Variants in MAN1C1 observed in about 807,000 individuals in gnomAD.
The protein encoded by MAN1C1 is mannosidase alpha class 1C member 1.
MAN1C1 carries 49 observed loss-of-function variants against 71.5 expected under a neutral mutation model. The observed-to-expected ratio is 0.69, with a 90% CI of 0.54 to 0.87. The LOEUF (loss-of-function observed/expected upper bound fraction) is 0.87, where lower values mean the gene tolerates loss of function less well. Ranked by LOEUF, MAN1C1 falls within the 40% of genes least tolerant of loss-of-function variation. MAN1C1 has a pLI of 0.00. For synonymous variants in MAN1C1, 352 were observed against 343.7 expected, an observed-to-expected ratio of 1.02 and a Z score of -0.27; for missense variants, 743 against 835.0, an observed-to-expected ratio of 0.89 and a Z score of 1.36.
chr1:25,781,861 C>T (rs965906618), intron 10 of MAN1C1, among the ~76,000 whole-genome samples: 5 of 152,316 alleles, frequency 3.3e-5, no homozygotes, highest in Admixed American at 2.0e-4. Flanking sequence ...AGACCCCCTC[C>T]GTGGGTAGAA....
At position 25,758,634 on chromosome 1, in the gene MAN1C1, G is replaced by A; in HGVS notation, c.972G>A (p.Leu324=). The A allele has an allele frequency of 6.2e-7, 1 of 1,614,202 alleles. No individual in the cohort carries two copies. Among genetic ancestry groups the A allele is most frequent in the Non-Finnish European group, 8.5e-7 (1 of 1,180,038 alleles). ...GWATAGSSSI[L]AEFGSLHLEF... is the part of the protein sequence containing the mutation. ...CCACAGCCGGCAGCAGCAGCATCTT[G>A]GCGGAGTTTGGATCCCTGCACTTGG... is the stretch of plus-strand genomic sequence containing the variant. The change falls in exon 6 of 12, where the codon TTG becomes TTA. Residue 324 remains leucine (L), a synonymous_variant. Transcript: ENST00000374332.
chr1:25,756,324 G>A (rs2047285659), intron 5 of MAN1C1, among the ~76,000 whole-genome samples: 2 of 152,232 alleles, frequency 1.3e-5, no homozygotes, highest in Admixed American at 1.3e-4. Flanking sequence ...AGCTGGGCAG[G>A]AGAGGAAAGG....
At chr1:25,722,870 C>A (rs1162236599) in intron 2 of MAN1C1, among the ~76,000 whole-genome samples, 1 of 152,148 alleles carries the variant, frequency 6.6e-6, no homozygotes. Context: ...AATGGGAACT[C>A]AATATAGGTG....
chr1:25,663,932 T>G (rs1322378106), intron 1 of MAN1C1, among the ~76,000 whole-genome samples: 1 of 152,194 alleles, frequency 6.6e-6, no homozygotes, highest in African/African-American at 2.4e-5. Context: ...TATTTGAAAT[T>G]GGGCCTGTCT....
chr1:25,669,532 C>T (rs188313616), intron 1 of MAN1C1, among the ~76,000 whole-genome samples: 33 of 152,006 alleles, frequency 2.2e-4, no homozygotes, highest in East Asian at 1.9e-3. Flanking sequence ...TTTGGGAGGT[C>T]GAGGCAGGAG....
In MAN1C1 at chr1:25,746,799, T is replaced by TG; in HGVS notation, c.753+16_753+17insG. 2 of 308,074 alleles carry TG rather than the reference T, an allele frequency of 6.5e-6. No individual in the cohort carries two copies. The highest frequency in any genetic ancestry group is 1.3e-5 in the Non-Finnish European group (2 of 149,846). The allele number at this position is 308,074 out of a possible 1,614,324, so 19.1% of individuals were successfully genotyped here. On this transcript the variant is annotated intron_variant, in intron 3 of 11. Coordinates refer to ENST00000374332, the MANE Select transcript of MAN1C1 (RefSeq NM_020379.4). This position sits in a 1 kb window ranked among gnomAD's most constrained non-coding sequence, Gnocchi z 4.0. ...CCTGAACGTGGTGAGTCAGAGGCCCTCGGCGGGGGAGGGGGGCGGGGGCCA... is the reference window on the plus strand; with the variant it reads ...CCTGAACGTGGTGAGTCAGAGGCCCTGCGGCGGGGGAGGGGGGCGGGGGCCA...
chr1:25,652,409 G>A (rs1392634168), intron 1 of MAN1C1, among the ~76,000 whole-genome samples: 1 of 152,246 alleles, frequency 6.6e-6, no homozygotes, highest in East Asian at 1.9e-4. Flanking sequence ...CGGGAAGTGA[G>A]ACTCTGCAAA....
intron 1 of MAN1C1, among the ~76,000 whole-genome samples, chr1:25,620,851 C>T (rs1302143352): frequency 6.6e-6 from 1 of 152,296 alleles, no homozygotes; most frequent in South Asian, 2.1e-4. Context: ...GACATGGTCA[C>T]CAGGTCTGTG....
chr1:25,768,308 A>T (rs1572207750), intron 7 of MAN1C1, among the ~76,000 whole-genome samples: 1 of 94,522 alleles, frequency 1.1e-5, no homozygotes, highest in Non-Finnish European at 2.0e-5. Flanking sequence ...CGCATTACAC[A>T]CTCCCTTCAC....
chr1:25,701,238 A>G (rs2046438329), intron 2 of MAN1C1, among the ~76,000 whole-genome samples: 1 of 152,218 alleles, frequency 6.6e-6, no homozygotes, highest in Non-Finnish European at 1.5e-5. Context: ...GCACCTGCTC[A>G]GGCACCATGG....
intron 1 of MAN1C1, among the ~76,000 whole-genome samples, chr1:25,666,336 G>C (rs1480835104): frequency 6.6e-6 from 1 of 152,160 alleles, no homozygotes; most frequent in Non-Finnish European, 1.5e-5. Flanking sequence ...TCACATCCAG[G>C]AGGGGGGCTG....
chr1:25,636,787 G>A (rs1191620250), intron 1 of MAN1C1, among the ~76,000 whole-genome samples: 2 of 152,212 alleles, frequency 1.3e-5, no homozygotes, highest in Non-Finnish European at 2.9e-5. Context: ...ACTGATAAAT[G>A]TCCATGAAAT....
At chr1:25,740,077 C>G (rs1172617280) in intron 2 of MAN1C1, among the ~76,000 whole-genome samples, 1 of 152,196 alleles carries the variant, frequency 6.6e-6, no homozygotes, top group Non-Finnish European at 1.5e-5. Flanking sequence ...TAGGAGCCAA[C>G]CCCTCAGGAG....
At chr1:25,692,163 C>T (rs561374129) in intron 2 of MAN1C1, among the ~76,000 whole-genome samples, 221 of 152,300 alleles carry the variant, frequency 1.5e-3, no homozygotes, top group African/African-American at 4.9e-3. Flanking sequence ...CTCAGTGCAG[C>T]GCTCTTTGCG....
chr1:25,753,432 C>A lies in MAN1C1; in HGVS notation c.835-52C>A. On this transcript the variant is annotated intron_variant, in intron 4 of 11. Coordinates refer to ENST00000374332, the MANE Select transcript of MAN1C1 (RefSeq NM_020379.4). The surrounding 1 kb of genome is among the most constrained non-coding windows in gnomAD (Gnocchi z 4.9). ...CTGCCTGCAGCAGTTCTGGGGTTGA[C>A]CTTCCCTCACCCAGCCTGGAGTCAA... 6.9e-7 allele frequency: 1 copy of A among 1,445,312 alleles called. No individual in the cohort carries two copies. The highest frequency in any genetic ancestry group is 9.6e-7 in the Non-Finnish European group (1 of 1,044,058). The allele number at this position is 1,445,312 out of a possible 1,614,324, so 89.5% of individuals were successfully genotyped here. A position where few individuals can be genotyped will look rare whatever the true frequency, so the allele number is the denominator to read the frequency against.
intron 2 of MAN1C1, among the ~76,000 whole-genome samples, chr1:25,709,099 TA>T (rs2046567681): frequency 6.6e-6 from 1 of 152,138 alleles, no homozygotes; most frequent in Non-Finnish European, 1.5e-5. Context: ...CCCAGGGCAC[TA>T]AGCCAGGGAG....
At chr1:25,713,183 G>T (rs1462920288) in intron 2 of MAN1C1, among the ~76,000 whole-genome samples, 2 of 150,982 alleles carry the variant, frequency 1.3e-5, no homozygotes, top group Admixed American at 1.3e-4. Flanking sequence ...CAGGCCTCCT[G>T]CCTGCCTCTC....
At chr1:25,763,785 T>C in intron 6 of MAN1C1, 89 bp from the exon 7 acceptor site, 1 of 1,048,914 alleles carries the variant, frequency 9.5e-7, no homozygotes, top group Non-Finnish European at 1.5e-6. Flanking sequence ...TCCATGCATC[T>C]GAACCAGCTG....
intron 2 of MAN1C1, among the ~76,000 whole-genome samples, chr1:25,722,928 C>T (rs2046785772): frequency 6.6e-6 from 1 of 152,204 alleles, no homozygotes; most frequent in Non-Finnish European, 1.5e-5. Context: ...TGTTTTCATT[C>T]TCCTACCTAG....
Sources: gnomAD v4.1 joint callset for allele counts (sites outside exome capture counted in the v4.1 genomes callset) on GRCh38, gnomAD v4.1.1 for gene constraint, Gnocchi (gnomAD v3.1) non-coding constraint, MANE v1.5 for transcripts, NCBI Gene and HGNC (gene_info 2026-07-23, HGNC 2026-07-21) for gene names.